Variants in UNC5C observed in about 807,000 individuals in gnomAD.
UNC5C encodes unc-5 netrin receptor C.
In UNC5C, 47 loss-of-function variants were observed where a neutral mutation model predicts 99.8. The ratio of observed to expected loss-of-function variants is 0.47; its 90% CI spans 0.37 to 0.60. The LOEUF (loss-of-function observed/expected upper bound fraction) is 0.60, where lower values mean the gene tolerates loss of function less well. Among genes scored for constraint, UNC5C ranks in the 20% least tolerant of loss-of-function variants. The pLI is 0.00. For missense variants in UNC5C, 1,062 were observed against 1,165.9 expected (o/e 0.91, Z 1.30); for synonymous variants, 487 against 452.2 (o/e 1.08, Z -0.98).
intron 3 of UNC5C, among the ~76,000 whole-genome samples, chr4:95,290,678 T>C (rs1020981271): frequency 6.6e-6 from 1 of 152,208 alleles, no homozygotes; most frequent in Non-Finnish European, 1.5e-5. Flanking sequence ...GAGTTAGGCA[T>C]ACAGTAAGCA....
intron 3 of UNC5C, among the ~76,000 whole-genome samples, chr4:95,286,149 A>C (rs539108129): frequency 6.6e-6 from 1 of 152,352 alleles, no homozygotes; most frequent in Non-Finnish European, 1.5e-5. Context: ...CCGAAGTATT[A>C]ATAAATTTTA....
At chr4:95,311,718 C>A (rs1268420169) in intron 2 of UNC5C, among the ~76,000 whole-genome samples, 2 of 152,114 alleles carry the variant, frequency 1.3e-5, no homozygotes, top group Admixed American at 6.6e-5. Context: ...AAGAACTTTT[C>A]TTTTCCATGT....
intron 1 of UNC5C, among the ~76,000 whole-genome samples, chr4:95,404,698 A>G (rs890922602): frequency 2.0e-5 from 3 of 152,166 alleles, no homozygotes; most frequent in Non-Finnish European, 4.4e-5. Context: ...TCAAGCCTGT[A>G]TATCTGCGGC....
chr4:95,492,662 T>C (rs1721528169), intron 1 of UNC5C, among the ~76,000 whole-genome samples: 1 of 151,554 alleles, frequency 6.6e-6, no homozygotes, highest in South Asian at 2.1e-4. Context: ...CACAAAAATC[T>C]TGACTTCACC....
intron 10 of UNC5C, among the ~76,000 whole-genome samples, chr4:95,208,013 C>T (rs1270391647): frequency 6.6e-6 from 1 of 152,186 alleles, no homozygotes; most frequent in African/African-American, 2.4e-5. Context: ...AATGTTTCCA[C>T]CCTCAGCTGG....
intron 10 of UNC5C, among the ~76,000 whole-genome samples, chr4:95,213,584 A>G (rs1355475881): frequency 2.6e-5 from 4 of 152,198 alleles, no homozygotes; most frequent in Admixed American, 6.5e-5. Flanking sequence ...TCACTATGCC[A>G]CATGTAATTA....
At chr4:95,261,322 A>G (rs908479172) in intron 4 of UNC5C, among the ~76,000 whole-genome samples, 15 of 152,282 alleles carry the variant, frequency 9.9e-5, no homozygotes, top group African/African-American at 3.6e-4. Context: ...ATACAGGTTT[A>G]CTTTCAGAAC....
At chr4:95,289,730 T>C (rs1045146265) in intron 3 of UNC5C, among the ~76,000 whole-genome samples, 1 of 152,204 alleles carries the variant, frequency 6.6e-6, no homozygotes, top group African/African-American at 2.4e-5. Context: ...CTAGAATTTA[T>C]GCTTAAATCA....
chr4:95,497,103 AT>A (rs369943117), intron 1 of UNC5C, among the ~76,000 whole-genome samples: 30 of 152,060 alleles, frequency 2.0e-4, no homozygotes, highest in African/African-American at 7.2e-4. Flanking sequence ...GGTTGGTTCC[AT>A]ATCTTTGCAA....
At chr4:95,445,971 A>G (rs571308537) in intron 1 of UNC5C, among the ~76,000 whole-genome samples, 1 of 84,448 alleles carries the variant, frequency 1.2e-5, no homozygotes, top group Non-Finnish European at 3.1e-5. Flanking sequence ...TGCAAAAAAA[A>G]CAAAACAAAA....
chr4:95,261,288 A>G (rs1740216227), intron 4 of UNC5C, among the ~76,000 whole-genome samples: 1 of 152,166 alleles, frequency 6.6e-6, no homozygotes, highest in South Asian at 2.1e-4. Flanking sequence ...TGTTATCAAC[A>G]TGACCCTGTC....
rs115581176 is a variant in UNC5C, at chr4:95,443,506, A to C, written c.124+105228T>G. ...AAATGCACACTGATATTATATGAACAATCAAAGCAATTTGCCAATCATTTG... is the reference window on the plus strand; with the variant it reads ...AAATGCACACTGATATTATATGAACCATCAAAGCAATTTGCCAATCATTTG... On this transcript the variant is annotated intron_variant, in intron 1 of 15. Transcript: ENST00000453304. Among the ~76,000 whole-genome samples the C allele has an allele frequency of 9.3e-4, 142 of 152,346 alleles. 1 individual carries two copies. Among genetic ancestry groups the C allele is most frequent in the Non-Finnish European group, 1.7e-3 (115 of 68,030 alleles).
chr4:95,493,591 C>A (rs1483429728), intron 1 of UNC5C, among the ~76,000 whole-genome samples: 1 of 151,414 alleles, frequency 6.6e-6, no homozygotes, highest in Non-Finnish European at 1.5e-5. Flanking sequence ...AAAACACACA[C>A]TAAGTTTTAA....
At chr4:95,221,339 T>C (rs1738461137) in intron 7 of UNC5C, among the ~76,000 whole-genome samples, 1 of 152,138 alleles carries the variant, frequency 6.6e-6, no homozygotes, top group Admixed American at 6.5e-5. Context: ...CATGTACATT[T>C]TTCAGGGAGA....
At chr4:95,332,925 C>A (rs1743177809) in intron 2 of UNC5C, among the ~76,000 whole-genome samples, 1 of 152,146 alleles carries the variant, frequency 6.6e-6, no homozygotes, top group Admixed American at 6.6e-5. Flanking sequence ...TGAACAGACA[C>A]CTCTCAAAAG....
At chr4:95,304,735 G>T (rs1451671128) in intron 2 of UNC5C, among the ~76,000 whole-genome samples, 1 of 152,142 alleles carries the variant, frequency 6.6e-6, no homozygotes, top group African/African-American at 2.4e-5. Context: ...TTTGCAATAT[G>T]TGTTTCCTTA....
In UNC5C at chr4:95,167,073, T is replaced by A. The variant is rs1292928883; in HGVS notation, c.*2161A>T. 1 of 152,190 alleles carries A rather than the reference T, an allele frequency of 6.6e-6. No individual in the cohort carries two copies. The highest frequency in any genetic ancestry group is 1.5e-5 in the Non-Finnish European group (1 of 68,046). The allele number at this position is 152,190 out of a possible 1,614,324, so 9.4% of individuals were successfully genotyped here. On this transcript the variant is annotated 3_prime_UTR_variant, in exon 16 of 16. Transcript: ENST00000453304. The stretch of plus-strand genomic sequence containing the variant: ...TCCATAGCAAGGTATCAGCAGTTCC[T>A]CAGGGATGAGGATGGCGGAGGCATC...
At chr4:95,476,008 T>C (rs1215940870) in intron 1 of UNC5C, among the ~76,000 whole-genome samples, 1 of 152,106 alleles carries the variant, frequency 6.6e-6, no homozygotes, top group Non-Finnish European at 1.5e-5. Flanking sequence ...GATAAGTAAA[T>C]ATTTTGGAAT....
chr4:95,387,003 C>T (rs1237378725), intron 1 of UNC5C, among the ~76,000 whole-genome samples: 1 of 152,148 alleles, frequency 6.6e-6, no homozygotes, highest in African/African-American at 2.4e-5. Context: ...CTTCTAGAGA[C>T]ACTTGTCTTT....
Sources: gnomAD v4.1 joint callset for allele counts (sites outside exome capture counted in the v4.1 genomes callset) on GRCh38, gnomAD v4.1.1 for gene constraint, MANE v1.5 for transcripts, NCBI Gene and HGNC (gene_info 2026-07-23, HGNC 2026-07-21) for gene names.